The following EXOSC10 variants were observed in gnomAD, a reference collection of about 807,000 sequenced individuals.
The protein encoded by EXOSC10 is exosome complex component 10.
In EXOSC10, 94 loss-of-function variants were observed where a neutral mutation model predicts 126.6. The ratio of observed to expected loss-of-function variants is 0.74; its 90% CI spans 0.63 to 0.88. EXOSC10 has a LOEUF of 0.88. EXOSC10 is among the 40% of genes least tolerant of loss of function. The pLI is 0.00. For synonymous variants in EXOSC10, 395 were observed against 400.8 expected, an observed-to-expected ratio of 0.99 and a Z score of 0.17; for missense variants, 1,041 against 1,100.5, an observed-to-expected ratio of 0.95 and a Z score of 0.77.
At chr1:11,092,154 T>C (rs1168312652) in intron 3 of EXOSC10, among the ~76,000 whole-genome samples, 1 of 152,250 alleles carries the variant, frequency 6.6e-6, no homozygotes, top group Non-Finnish European at 1.5e-5. Flanking sequence ...TTTTTGAGTT[T>C]ACAATGATGT....
At chr1:11,067,325 G>A (rs1376335653) in intron 24 of EXOSC10, among the ~76,000 whole-genome samples, 4 of 152,052 alleles carry the variant, frequency 2.6e-5, no homozygotes, top group South Asian at 2.1e-4. Context: ...CCAGCTACTC[G>A]AGAGGCTGAG....
chr1:11,093,368 CG>C (rs1431753644), intron 3 of EXOSC10, among the ~76,000 whole-genome samples: 3 of 152,188 alleles, frequency 2.0e-5, no homozygotes, highest in Admixed American at 1.3e-4. Flanking sequence ...TTAAAGCAGA[CG>C]TGAAATATCA....
At chr1:11,083,273 A>G (rs1377333828) in intron 9 of EXOSC10, among the ~76,000 whole-genome samples, 2 of 152,108 alleles carry the variant, frequency 1.3e-5, no homozygotes, top group African/African-American at 4.8e-5. Context: ...AATCAAGATT[A>G]GATATATGCA....
At chr1:11,090,045 T>C (rs998894219) in intron 6 of EXOSC10, among the ~76,000 whole-genome samples, 4 of 149,436 alleles carry the variant, frequency 2.7e-5, no homozygotes, top group Admixed American at 6.7e-5. Flanking sequence ...TCACTCAGGC[T>C]GGAGTGCAGT....
chr1:11,082,919 G>T lies in EXOSC10; in HGVS notation c.1090-41C>A, dbSNP rs948460979. 3.3e-6 allele frequency: 5 copies of T among 1,497,142 alleles called. No individual in the cohort carries two copies. The African/African-American group carries it at 5.5e-5, about 17-fold the overall frequency. The allele number at this position is 1,497,142 out of a possible 1,614,324, so 92.7% of individuals were successfully genotyped here. ...AAGTCATGCAGTACACTGGTAGCAG[G>T]CCACTCATGCTCAGAAATTAACTCT... On this transcript the variant is annotated intron_variant, in intron 9 of 24. Coordinates refer to ENST00000376936, the MANE Select transcript of EXOSC10 (RefSeq NM_001001998.3).
rs183042853 is a variant in EXOSC10 at position 11,092,292 on chromosome 1, T to C, written c.373-695A>G. ...AGTGTAATGGCGTGATCTCAGCTAA[T>C]TGCAACCTGCCTCCCGGGTTCAAGC... On this transcript the variant is annotated intron_variant, in intron 3 of 24. Transcript: ENST00000376936. 4.0e-5 allele frequency among the ~76,000 whole-genome samples: 6 copies of C among 151,888 alleles called. No homozygotes were observed. The East Asian group carries it at 1.2e-3, about 30-fold the overall frequency.
At chr1:11,068,389 C>T in intron 23 of EXOSC10, 1 of 591,878 alleles carries the variant, frequency 1.7e-6, no homozygotes, top group East Asian at 2.8e-5. Context: ...AAAGGGGGTG[C>T]TTTTGGCCTG....
intron 14 of EXOSC10, among the ~76,000 whole-genome samples, chr1:11,078,569 A>AAAC (rs199724226): frequency 1.4e-4 from 22 of 152,188 alleles, no homozygotes; most frequent in South Asian, 4.2e-4. Flanking sequence ...CCCTGTTTCA[A>AAAC]AACAACAACA....
At chr1:11,095,510 G>C in intron 3 of EXOSC10, 1 of 300,964 alleles carries the variant, frequency 3.3e-6, no homozygotes. Flanking sequence ...TCAGGAGATC[G>C]AGACCATCCT....
intron 2 of EXOSC10, among the ~76,000 whole-genome samples, chr1:11,096,467 C>CTTAGCCCAGCCTT (rs1641095208): frequency 7.7e-6 from 1 of 129,728 alleles, no homozygotes; most frequent in Non-Finnish European, 1.6e-5. Flanking sequence ...TTCTTTCTTT[C>CTTAGCCCAGCCTT]TTTCTTTTTT....
At chr1:11,083,277 A>G (rs1292100332) in intron 9 of EXOSC10, among the ~76,000 whole-genome samples, 1 of 152,132 alleles carries the variant, frequency 6.6e-6, no homozygotes, top group Non-Finnish European at 1.5e-5. Context: ...AAGATTAGAT[A>G]TATGCAGCTG....
chr1:11,082,923 C>T (rs1640249666), intron 9 of EXOSC10, 45 bp from the exon 10 acceptor site: 1 of 1,481,358 alleles, frequency 6.8e-7, no homozygotes, highest in South Asian at 1.1e-5. Flanking sequence ...TAGCAGGCCA[C>T]TCATGCTCAG....
At chr1:11,066,828 C>G (rs1220778100) in intron 24 of EXOSC10, 80 bp from the exon 25 acceptor site, 1 of 1,524,236 alleles carries the variant, frequency 6.6e-7, no homozygotes, top group Non-Finnish European at 9.1e-7. Flanking sequence ...TGGTGCAAAT[C>G]TTAATCATGC....
intron 6 of EXOSC10, among the ~76,000 whole-genome samples, chr1:11,090,289 C>T (rs1455560335): frequency 3.3e-5 from 5 of 152,202 alleles, no homozygotes; most frequent in African/African-American, 4.8e-5. Flanking sequence ...TAAGCCACCG[C>T]GCCCAGCCTT....
At chr1:11,078,498 C>T (rs1444078478) in intron 14 of EXOSC10, among the ~76,000 whole-genome samples, 1 of 152,032 alleles carries the variant, frequency 6.6e-6, no homozygotes, top group Admixed American at 6.5e-5. Context: ...ACCTCGTGAT[C>T]CGCCCGCCTC....
Position 11,091,194 on chromosome 1 carries a change from T to C in EXOSC10, c.478-15A>G. Reference sequence around the variant, plus strand: ...TATTCTGCTGCCTATGATCAATGAATACAAATACTTTATAACACAGCAACT... The same window carrying C: ...TATTCTGCTGCCTATGATCAATGAACACAAATACTTTATAACACAGCAACT... On this transcript the variant is annotated splice_polypyrimidine_tract_variant and intron_variant, in intron 4 of 24. Transcript: ENST00000376936. The C allele has an allele frequency of 1.9e-6, 3 of 1,605,748 alleles. No individual in the cohort carries two copies. Among genetic ancestry groups the C allele is most frequent in the Non-Finnish European group, 2.6e-6 (3 of 1,176,264 alleles).
At chr1:11,095,453 C>T (rs1034334164) in intron 3 of EXOSC10, 87 of 240,154 alleles carry the variant, frequency 3.6e-4, no homozygotes, top group African/African-American at 1.8e-3. Context: ...GTGGCTCACG[C>T]CTGTAATCCC....
chr1:11,070,805 G>A, intron 21 of EXOSC10, 95 bp downstream of exon 21: 1 of 1,127,924 alleles, frequency 8.9e-7, no homozygotes, highest in Admixed American at 2.1e-5. Flanking sequence ...TTAATATAAA[G>A]CACAGGGCAA....
rs60241520 is a variant in EXOSC10 at position 11,096,114 on chromosome 1, G to C, written c.249-233C>G. ...TTCTCGTGTCTCAGCCTCCTGAGTA[G>C]CTGGGATTATAGGCACATGCCAACA... On this transcript the variant is annotated intron_variant, in intron 2 of 24. Transcript: ENST00000376936. Among the ~76,000 whole-genome samples, 561 of 152,212 alleles carry C rather than the reference G, an allele frequency of 3.7e-3. 8 individuals carry two copies. The highest frequency in any genetic ancestry group is 0.013 in the African/African-American group (532 of 41,524).
Sources: gnomAD v4.1 joint callset for allele counts (sites outside exome capture counted in the v4.1 genomes callset) on GRCh38, gnomAD v4.1.1 for gene constraint, MANE v1.5 for transcripts, NCBI Gene and HGNC (gene_info 2026-07-23, HGNC 2026-07-21) for gene names.